Variants in PTPRG observed in about 807,000 individuals in gnomAD.
PTPRG encodes the protein protein tyrosine phosphatase receptor type G.
Under a neutral mutation model 165.3 loss-of-function variants are expected in PTPRG, and 102 were observed. The ratio of observed to expected loss-of-function variants is 0.62; its 90% CI spans 0.53 to 0.73. PTPRG has a LOEUF of 0.73. Ranked by LOEUF, PTPRG falls within the 30% of genes least tolerant of loss-of-function variation. PTPRG has a pLI of 0.00. For synonymous variants in PTPRG, 675 were observed against 669.5 expected (o/e 1.01, Z -0.13); for missense variants, 1,866 against 1,861.4 (o/e 1.00, Z -0.05).
chr3:61,761,313 A>G (rs2106966717), intron 2 of PTPRG, among the ~76,000 whole-genome samples: 1 of 152,296 alleles, frequency 6.6e-6, no homozygotes, highest in South Asian at 2.1e-4. Flanking sequence ...ATGGTGGCTC[A>G]CGCCTGTAAT....
At chr3:61,668,222 G>T (rs934241419) in intron 1 of PTPRG, among the ~76,000 whole-genome samples, 2 of 152,140 alleles carry the variant, frequency 1.3e-5, no homozygotes, top group African/African-American at 2.4e-5. Context: ...AAATAAGATT[G>T]AGTTAAAACT....
At chr3:61,824,290 G>A (rs2036043576) in intron 2 of PTPRG, among the ~76,000 whole-genome samples, 4 of 152,190 alleles carry the variant, frequency 2.6e-5, no homozygotes, top group African/African-American at 9.7e-5. Context: ...AGATGAATAT[G>A]TTAATTTTGA....
At chr3:61,891,995 G>C (rs2038227123) in intron 2 of PTPRG, among the ~76,000 whole-genome samples, 1 of 151,532 alleles carries the variant, frequency 6.6e-6, no homozygotes, top group Non-Finnish European at 1.5e-5. Flanking sequence ...CTGCCTTTAT[G>C]AAAATAATAG....
At chr3:61,908,072 G>A (rs1235642430) in intron 2 of PTPRG, among the ~76,000 whole-genome samples, 1 of 134,372 alleles carries the variant, frequency 7.4e-6, no homozygotes, top group East Asian at 2.5e-4. Context: ...AGTGAGTTAT[G>A]ATTGTGCCAC....
intron 1 of PTPRG, among the ~76,000 whole-genome samples, chr3:61,629,140 C>G (rs1057493954): frequency 6.6e-6 from 1 of 152,088 alleles, no homozygotes; most frequent in Admixed American, 6.6e-5. Flanking sequence ...CATGAACTTC[C>G]AGGTGTCCTA....
intron 28 of PTPRG, among the ~76,000 whole-genome samples, chr3:62,290,344 T>A (rs1379261007): frequency 2.6e-5 from 4 of 152,170 alleles, no homozygotes; most frequent in African/African-American, 9.7e-5. Context: ...AATGTTTGTT[T>A]GTGTTCCTTA....
intron 2 of PTPRG, among the ~76,000 whole-genome samples, chr3:61,839,694 T>C (rs1045954323): frequency 1.3e-5 from 2 of 152,230 alleles, no homozygotes; most frequent in Non-Finnish European, 1.5e-5. Flanking sequence ...ATGTTCCATA[T>C]AGAGAATTTG....
chr3:61,628,882 C>G (rs1274854979), intron 1 of PTPRG, among the ~76,000 whole-genome samples: 1 of 152,190 alleles, frequency 6.6e-6, no homozygotes, highest in East Asian at 1.9e-4. Context: ...ATCACAGTCT[C>G]TCGACTCATA....
At chr3:61,721,423 A>G (rs2032039087) in intron 1 of PTPRG, among the ~76,000 whole-genome samples, 1 of 152,198 alleles carries the variant, frequency 6.6e-6, no homozygotes, top group Non-Finnish European at 1.5e-5. Flanking sequence ...GACACTATGC[A>G]ATTGAGTACA....
Position 62,203,411 on chromosome 3 carries a change from C to G in PTPRG, c.1616C>G (p.Pro539Arg). 2 of 1,610,620 alleles carry G rather than the reference C, an allele frequency of 1.2e-6. No homozygotes were observed. The highest frequency in any genetic ancestry group is 2.7e-5 in the African/African-American group (2 of 74,974). ...AGCACTGTGTGGCCCACGCGCCTCCCGACGGCCGCCTCAGCCAGCAAGCAG... is the reference window on the plus strand; with the variant it reads ...AGCACTGTGTGGCCCACGCGCCTCCGGACGGCCGCCTCAGCCAGCAAGCAG... Reference protein sequence around the residue: ...FPSTVWPTRLPTAASASKQAA... With the variant: ...FPSTVWPTRLRTAASASKQAA... Residue 539 changes from proline (P) to arginine (R), a missense_variant, in exon 12 of 30, where the codon CCG becomes CGG. Coordinates refer to ENST00000474889, the MANE Select transcript of PTPRG (RefSeq NM_002841.4). The surrounding 1 kb of genome is among the most constrained non-coding windows in gnomAD (Gnocchi z 6.4).
At chr3:62,048,645 C>A (rs1364964730) in intron 4 of PTPRG, among the ~76,000 whole-genome samples, 1 of 152,148 alleles carries the variant, frequency 6.6e-6, no homozygotes, top group Non-Finnish European at 1.5e-5. Flanking sequence ...CCTGGGAGTC[C>A]CCATGAACAC....
intron 1 of PTPRG, among the ~76,000 whole-genome samples, chr3:61,565,150 G>A (rs959917617): frequency 4.6e-5 from 7 of 152,250 alleles, no homozygotes; most frequent in Admixed American, 3.9e-4. Flanking sequence ...GCTGTAGTTT[G>A]GGCAGGGTTT....
intron 1 of PTPRG, among the ~76,000 whole-genome samples, chr3:61,709,686 T>C (rs1016814677): frequency 1.3e-5 from 2 of 152,184 alleles, no homozygotes; most frequent in African/African-American, 4.8e-5. Flanking sequence ...CCTAAGATAC[T>C]TACTATCTAG....
intron 1 of PTPRG, chr3:61,738,985 T>G (rs1467705789): frequency 2.5e-5 from 2 of 79,998 alleles, no homozygotes; most frequent in Non-Finnish European, 2.3e-5. Context: ...TTTTTTTTTT[T>G]TTTTTGTTTT....
In PTPRG at chr3:61,993,055, A is replaced by T. The variant is rs140424416; in HGVS notation, c.370+3251A>T. On this transcript the variant is annotated intron_variant, in intron 3 of 29. Coordinates refer to ENST00000474889, the MANE Select transcript of PTPRG (RefSeq NM_002841.4). ...ATTTATTTGCTCTGTTTTGTCTGGA[A>T]CATATAAATTCAACTGAACAGTGCA... Among the ~76,000 whole-genome samples the T allele has an allele frequency of 1.8e-3, 280 of 152,290 alleles. 2 individuals are homozygous for T. Among genetic ancestry groups the T allele is most frequent in the African/African-American group, 6.6e-3 (276 of 41,568 alleles).
intron 4 of PTPRG, among the ~76,000 whole-genome samples, chr3:62,025,502 A>AT (rs1003640543): frequency 1.3e-5 from 2 of 151,994 alleles, no homozygotes; most frequent in East Asian, 1.9e-4. Flanking sequence ...ATTTTCATCT[A>AT]TTTTTTTAAA....
rs189163493 is a variant in PTPRG, at chr3:61,643,700, T to C, written c.85+81328T>C. Among the ~76,000 whole-genome samples the C allele has an allele frequency of 1.1e-4, 17 of 151,948 alleles. No homozygotes were observed. The East Asian group carries it at 3.3e-3, about 29-fold the overall frequency. On this transcript the variant is annotated intron_variant, in intron 1 of 29. Transcript: ENST00000474889. ...ATTGCTCTAACCAGGGAGGTAGAGG[T>C]TGCAGGTGAGCTGAAATTGCACCAG...
intron 1 of PTPRG, among the ~76,000 whole-genome samples, chr3:61,638,843 T>C (rs1320692524): frequency 6.6e-6 from 1 of 152,162 alleles, no homozygotes; most frequent in Non-Finnish European, 1.5e-5. Context: ...TTTGCAAATA[T>C]TGTCTCCCAT....
intron 1 of PTPRG, among the ~76,000 whole-genome samples, chr3:61,569,162 G>A (rs1326125310): frequency 6.6e-6 from 1 of 152,162 alleles, no homozygotes; most frequent in Non-Finnish European, 1.5e-5. Flanking sequence ...AAATCTTTTA[G>A]GAGCCTGGAA....
Sources: gnomAD v4.1 joint callset for allele counts (sites outside exome capture counted in the v4.1 genomes callset) on GRCh38, gnomAD v4.1.1 for gene constraint, Gnocchi (gnomAD v3.1) non-coding constraint, MANE v1.5 for transcripts, NCBI Gene and HGNC (gene_info 2026-07-23, HGNC 2026-07-21) for gene names.